Variants in FBLN7 observed in about 807,000 individuals in gnomAD.
FBLN7 encodes fibulin 7.
Under a neutral mutation model 44.0 loss-of-function variants are expected in FBLN7, and 31 were observed. The ratio of observed to expected loss-of-function variants is 0.70; its 90% CI spans 0.53 to 0.95. FBLN7 has a LOEUF of 0.95. FBLN7 is among the 40% of genes least tolerant of loss of function. FBLN7 has a pLI of 0.00. For synonymous variants in FBLN7, 262 were observed against 253.4 expected (o/e 1.03, Z -0.32); for missense variants, 573 against 618.5 (o/e 0.93, Z 0.78).
the FBLN7 span, chr2:112,212,230 A>T: frequency 2.6e-5 from 4 of 152,184 alleles, no homozygotes; most frequent in Non-Finnish European, 5.9e-5. Flanking sequence ...CACTAATCCC[A>T]TTCATGAGGG....
chr2:112,211,661 A>C, the FBLN7 span: 2 of 152,242 alleles, frequency 1.3e-5, no homozygotes, highest in African/African-American at 4.8e-5. Context: ...CCTGCTAATT[A>C]AAATGAGTCT....
intron 1 of FBLN7, among the ~76,000 whole-genome samples, chr2:112,145,509 T>C (rs1680861428): frequency 1.3e-5 from 2 of 152,210 alleles, no homozygotes; most frequent in African/African-American, 4.8e-5. Flanking sequence ...ATATTTTCTC[T>C]CAGTTTGTAG....
chr2:112,167,580 G>A (rs1160634657), intron 3 of FBLN7, among the ~76,000 whole-genome samples: 1 of 152,150 alleles, frequency 6.6e-6, no homozygotes, highest in East Asian at 1.9e-4. Context: ...AGTCACCCAG[G>A]AAGCTCATGA....
At chr2:112,213,282 T>C in the FBLN7 span, 2 of 152,194 alleles carry the variant, frequency 1.3e-5, no homozygotes, top group African/African-American at 4.8e-5. Flanking sequence ...AAGAAATCCT[T>C]GCACGTAACC....
the FBLN7 span, among the ~76,000 whole-genome samples, chr2:112,223,340 T>C: frequency 6.6e-6 from 1 of 152,104 alleles, no homozygotes; most frequent in Non-Finnish European, 1.5e-5. Context: ...ATGTATTAAT[T>C]TAGATGTAAT....
chr2:112,213,854 A>AAG, the FBLN7 span: 6 of 151,596 alleles, frequency 4.0e-5, no homozygotes, highest in Non-Finnish European at 8.8e-5. Flanking sequence ...TGACCATAAA[A>AAG]AGACCCATAT....
At chr2:112,180,402 A>T (rs951021851) in intron 4 of FBLN7, among the ~76,000 whole-genome samples, 3 of 152,136 alleles carry the variant, frequency 2.0e-5, no homozygotes, top group Non-Finnish European at 2.9e-5. Context: ...TGGGAGTGTA[A>T]ATTAGTTCAA....
At position 112,171,282 on chromosome 2, in the gene FBLN7, C is replaced by T. The variant is rs191778240; in HGVS notation, c.407-4432C>T. Among the ~76,000 whole-genome samples the T allele has an allele frequency of 2.6e-4, 40 of 152,074 alleles. No individual in the cohort carries two copies. The East Asian group carries it at 6.8e-3, about 26-fold the overall frequency. ...TGCAAGGAGAGGATGGAGACAGAAA[C>T]GTGACTCAGGCAGAGACCTGCAGGG... On this transcript the variant is annotated intron_variant, in intron 3 of 7. Coordinates refer to ENST00000331203, the MANE Select transcript of FBLN7 (RefSeq NM_153214.3).
intron 1 of FBLN7, chr2:112,151,864 C>T (rs1325249058): frequency 1.3e-5 from 2 of 152,082 alleles, no homozygotes; most frequent in East Asian, 1.9e-4. Flanking sequence ...AAGATAATAC[C>T]GAGGCTGTGA....
the FBLN7 span, chr2:112,214,915 T>C: frequency 2.0e-5 from 3 of 152,180 alleles, no homozygotes; most frequent in African/African-American, 7.2e-5. Flanking sequence ...CTTAAAACAA[T>C]TAATTTGAAA....
At chr2:112,229,730 T>C in the FBLN7 span, among the ~76,000 whole-genome samples, 2 of 152,202 alleles carry the variant, frequency 1.3e-5, no homozygotes, top group Non-Finnish European at 2.9e-5. Context: ...GTAGTTGTTT[T>C]TGCTAAGCAC....
the FBLN7 span, chr2:112,212,965 C>CTTTTTTTTTTTT: frequency 9.4e-5 from 8 of 84,918 alleles, 1 homozygote; most frequent in Middle Eastern, 5.3e-3. Flanking sequence ...AGAAGAAATG[C>CTTTTTTTTTTTT]TTTTTTTTTT....
Position 112,185,186 on chromosome 2 carries a change from T to C in FBLN7, c.809-15T>C, listed in dbSNP as rs530695635. On this transcript the variant is annotated splice_polypyrimidine_tract_variant and intron_variant, in intron 6 of 7. Coordinates refer to ENST00000331203, the MANE Select transcript of FBLN7 (RefSeq NM_153214.3). ...GTCAGGGCGATTCTCACCTGTTGTA[T>C]GTCCTGTATCTCAGATGTGGATGAA... The C allele has an allele frequency of 6.8e-6, 11 of 1,608,714 alleles. No individual in the cohort carries two copies. The highest frequency in any genetic ancestry group is 2.2e-5 in the South Asian group (2 of 90,968).
chr2:112,238,516 CAG>C, the FBLN7 span: 1 of 1,609,492 alleles, frequency 6.2e-7, no homozygotes, highest in Non-Finnish European at 8.5e-7. Flanking sequence ...GGTGATATTG[CAG>C]AGTGTCTAAA....
chr2:112,233,170 C>A, the FBLN7 span: 1 of 781,940 alleles, frequency 1.3e-6, no homozygotes, highest in Admixed American at 3.4e-5. Context: ...TTTTGGTATA[C>A]CTAAAACACT....
the FBLN7 span, among the ~76,000 whole-genome samples, chr2:112,239,743 C>T: frequency 6.6e-6 from 1 of 152,094 alleles, no homozygotes; most frequent in African/African-American, 2.4e-5. Flanking sequence ...CACCACCATG[C>T]TCAGCTAATT....
chr2:112,232,461 A>G, the FBLN7 span, among the ~76,000 whole-genome samples: 2 of 152,208 alleles, frequency 1.3e-5, no homozygotes, highest in African/African-American at 4.8e-5. Context: ...TGGCTATGAC[A>G]GGACATTTTT....
At position 112,138,519 on chromosome 2, in the gene FBLN7, T is replaced by TC. The variant is rs1485419692; in HGVS notation, c.-130dup. On this transcript the variant is annotated 5_prime_UTR_variant, in exon 1 of 8. Coordinates refer to ENST00000331203, the MANE Select transcript of FBLN7 (RefSeq NM_153214.3). ...CGCGCTGCGCTCGGGGCCTCCCGCC[T>TC]CCCCCCCTGCCCCAGCCGCCCCCCG... is the stretch of plus-strand genomic sequence containing the variant. 1.2e-5 allele frequency: 14 copies of TC among 1,187,082 alleles called. No individual in the cohort carries two copies. The highest frequency in any genetic ancestry group is 3.5e-5 in the East Asian group (1 of 28,712). 73.5% of individuals were successfully genotyped at this position (1,187,082 alleles called of 1,614,324 possible). A position where few individuals can be genotyped will look rare whatever the true frequency, so the allele number is the denominator to read the frequency against.
At chr2:112,201,950 C>A in the FBLN7 span, among the ~76,000 whole-genome samples, 1 of 152,182 alleles carries the variant, frequency 6.6e-6, no homozygotes, top group Non-Finnish European at 1.5e-5. Flanking sequence ...CAAATTCATT[C>A]AGGAAGTCCA....
Sources: gnomAD v4.1 joint callset for allele counts (sites outside exome capture counted in the v4.1 genomes callset) on GRCh38, gnomAD v4.1.1 for gene constraint, MANE v1.5 for transcripts, NCBI Gene and HGNC (gene_info 2026-07-23, HGNC 2026-07-21) for gene names.